Variants in TRPC5 observed in about 807,000 individuals in gnomAD.
TRPC5 encodes the protein short transient receptor potential channel 5.
TRPC5 carries 9 observed loss-of-function variants against 56.5 expected under a neutral mutation model. The ratio of observed to expected loss-of-function variants is 0.16; its 90% CI spans 0.10 to 0.28. The LOEUF (loss-of-function observed/expected upper bound fraction) is 0.28. Ranked by LOEUF, TRPC5 falls within the 10% of genes least tolerant of loss-of-function variation. TRPC5 has a pLI of 1.00. For missense variants in TRPC5, 469 were observed against 748.9 expected, an observed-to-expected ratio of 0.63 and a Z score of 4.36; for synonymous variants, 282 against 278.5, an observed-to-expected ratio of 1.01 and a Z score of -0.13.
At chrX:111,863,445 T>C (rs7876879) in intron 3 of TRPC5, among the ~76,000 whole-genome samples, 12,227 of 111,524 alleles carry the variant, frequency 0.11, 1,546 homozygotes, top group African/African-American at 0.37. Flanking sequence ...GAACAAAACA[T>C]GATTGATTTT....
At chrX:112,005,060 T>C (rs956497067) in intron 1 of TRPC5, among the ~76,000 whole-genome samples, 2 of 111,447 alleles carry the variant, frequency 1.8e-5, no homozygotes, top group African/African-American at 6.5e-5. Flanking sequence ...TTTACTACAA[T>C]GAACATCTGC....
chrX:112,076,449 T>C (rs1930836772), intron 1 of TRPC5, among the ~76,000 whole-genome samples: 1 of 111,570 alleles, frequency 9.0e-6, no homozygotes, highest in Non-Finnish European at 1.9e-5. Flanking sequence ...TCTTTTTTTT[T>C]CACCTACAAA....
intron 1 of TRPC5, among the ~76,000 whole-genome samples, chrX:111,985,960 T>C (rs1928200429): frequency 8.9e-6 from 1 of 111,964 alleles, no homozygotes; most frequent in South Asian, 3.8e-4. Flanking sequence ...CTGTAAGGTC[T>C]GGCCTACAGA....
Position 111,818,980 on chromosome X carries a change from G to A in TRPC5, c.1896+15941C>T, listed in dbSNP as rs373258278. Among the ~76,000 whole-genome samples, 5 of 111,715 alleles carry A rather than the reference G, an allele frequency of 4.5e-5. No homozygotes were observed. In the East Asian group the frequency reaches 1.4e-3, roughly 31 times the overall value. On this transcript the variant is annotated intron_variant, in intron 7 of 10. Coordinates refer to ENST00000262839, the MANE Select transcript of TRPC5 (RefSeq NM_012471.3). Reference sequence around the variant, plus strand: ...CATTACTGTTTCCATTTTATAGATTGGGAAACAGGCTCACCAAAGTGAAAA... The same window carrying A: ...CATTACTGTTTCCATTTTATAGATTAGGAAACAGGCTCACCAAAGTGAAAA...
intron 5 of TRPC5, among the ~76,000 whole-genome samples, chrX:111,849,983 A>C (rs1023587559): frequency 8.9e-6 from 1 of 112,228 alleles, no homozygotes; most frequent in African/African-American, 3.2e-5. Context: ...CAAAGGATGT[A>C]AATTGCATTT....
At chrX:111,962,706 C>A (rs1276686137) in intron 1 of TRPC5, among the ~76,000 whole-genome samples, 1 of 112,298 alleles carries the variant, frequency 8.9e-6, no homozygotes, top group Non-Finnish European at 1.9e-5. Context: ...AAGATTGATT[C>A]CAAAACTGAA....
chrX:111,913,916 C>T (rs145863324), intron 2 of TRPC5, among the ~76,000 whole-genome samples: 1,748 of 104,246 alleles, frequency 0.017, 35 homozygotes, highest in African/African-American at 0.059. Context: ...GCCGAGATCA[C>T]GCCACTGCAC....
intron 10 of TRPC5, 105 bp downstream of exon 10, chrX:111,778,880 A>AT: frequency 1.9e-6 from 1 of 517,233 alleles, no homozygotes; most frequent in Middle Eastern, 3.5e-4. Context: ...TGGCTTTGCT[A>AT]TATTGTAAGC....
At chrX:112,069,514 A>G (rs1283326505) in intron 1 of TRPC5, among the ~76,000 whole-genome samples, 1 of 112,217 alleles carries the variant, frequency 8.9e-6, no homozygotes, top group African/African-American at 3.2e-5. Flanking sequence ...CATGCTCTCT[A>G]GAGGAAGTCT....
At position 111,910,208 on chromosome X, in the gene TRPC5, C is replaced by T. The variant is rs941705960; in HGVS notation, c.900+2083G>A. ...ATTTTATTCCCATTAACCATTCTGT[C>T]ACTTGGAAGCAATTCATGTTCTACA... On this transcript the variant is annotated intron_variant, in intron 3 of 10. Transcript: ENST00000262839. 1.2e-4 allele frequency among the ~76,000 whole-genome samples: 14 copies of T among 112,235 alleles called. 1 individual carries two copies. The highest frequency in any genetic ancestry group is 1.0e-3 in the Admixed American group (11 of 10,584).
In TRPC5 at chrX:112,022,164, C is replaced by T. The variant is rs780205042; in HGVS notation, c.-22+59715G>A. Among the ~76,000 whole-genome samples the T allele has an allele frequency of 3.6e-5, 4 of 112,181 alleles. No individual in the cohort carries two copies. The South Asian group carries it at 1.5e-3, about 41-fold the overall frequency. ...AAGAAATCTATGGAGGTAGGATATA[C>T]TGTATTTATGCAATAAGAAGTATGA... is the stretch of plus-strand genomic sequence containing the variant. On this transcript the variant is annotated intron_variant, in intron 1 of 10. Coordinates refer to ENST00000262839, the MANE Select transcript of TRPC5 (RefSeq NM_012471.3).
chrX:111,856,538 A>AAATAATAATAAT (rs750089190), intron 3 of TRPC5, among the ~76,000 whole-genome samples: 2,939 of 95,098 alleles, frequency 0.031, 192 homozygotes, highest in African/African-American at 0.12. Context: ...GCCCTGTCTC[A>AAATAATAATAAT]AATAATAATA....
chrX:112,022,181 GAAGT>G (rs1929289039), intron 1 of TRPC5, among the ~76,000 whole-genome samples: 1 of 112,255 alleles, frequency 8.9e-6, no homozygotes, highest in Non-Finnish European at 1.9e-5. Flanking sequence ...TATGCAATAA[GAAGT>G]ATGATCTAAG....
chrX:111,859,245 C>T (rs1450319291), intron 3 of TRPC5, among the ~76,000 whole-genome samples: 3 of 111,045 alleles, frequency 2.7e-5, no homozygotes, highest in East Asian at 2.8e-4. Flanking sequence ...ATCCAGGGGT[C>T]GATTTTGGTA....
chrX:111,941,911 A>G (rs1285888069), intron 2 of TRPC5, among the ~76,000 whole-genome samples: 1 of 112,071 alleles, frequency 8.9e-6, no homozygotes, highest in Non-Finnish European at 1.9e-5. Flanking sequence ...CTGCTGTAGC[A>G]AGGACTGCAG....
intron 2 of TRPC5, among the ~76,000 whole-genome samples, chrX:111,929,135 T>C (rs1008663780): frequency 1.8e-5 from 2 of 112,058 alleles, no homozygotes; most frequent in Non-Finnish European, 3.8e-5. Context: ...TGCACTCAGC[T>C]CTTGCAGGGC....
At chrX:111,852,754 T>C (rs754327795) in intron 4 of TRPC5, among the ~76,000 whole-genome samples, 2 of 111,725 alleles carry the variant, frequency 1.8e-5, no homozygotes, top group African/African-American at 6.5e-5. Context: ...CATTTTGGAA[T>C]GGGAATAATT....
At position 111,991,832 on chromosome X, in the gene TRPC5, A is replaced by G. The variant is rs1202162866; in HGVS notation, c.-21-39391T>C. ...TCAAAAGCTTATAAATACCAAGCCC[A>G]TTTTTCCTAATACACAGGAGCCCAA... On this transcript the variant is annotated intron_variant, in intron 1 of 10. Coordinates refer to ENST00000262839, the MANE Select transcript of TRPC5 (RefSeq NM_012471.3). 3.6e-5 allele frequency among the ~76,000 whole-genome samples: 4 copies of G among 112,061 alleles called. No homozygotes were observed. In the East Asian group the frequency reaches 1.1e-3, roughly 31 times the overall value.
intron 1 of TRPC5, among the ~76,000 whole-genome samples, chrX:112,074,316 T>TATATA (rs773979357): frequency 9.3e-6 from 1 of 107,228 alleles, no homozygotes; most frequent in African/African-American, 3.4e-5. Flanking sequence ...TATATATATA[T>TATATA]TTTTTATTGG....
Sources: gnomAD v4.1 joint callset for allele counts (sites outside exome capture counted in the v4.1 genomes callset) on GRCh38, gnomAD v4.1.1 for gene constraint, MANE v1.5 for transcripts, NCBI Gene and HGNC (gene_info 2026-07-23, HGNC 2026-07-21) for gene names.